The following CNTNAP2 variants were observed in gnomAD, a reference collection of about 807,000 sequenced individuals.
CNTNAP2 encodes the protein contactin-associated protein-like 2.
In CNTNAP2, 98 loss-of-function variants were observed where a neutral mutation model predicts 155.2. The observed-to-expected ratio is 0.63, with a 90% CI of 0.54 to 0.75. The LOEUF (loss-of-function observed/expected upper bound fraction) is 0.75. Ranked by LOEUF, CNTNAP2 falls within the 30% of genes least tolerant of loss-of-function variation. CNTNAP2 has a pLI of 0.00. For missense variants in CNTNAP2, 1,727 were observed against 1,688.1 expected, an observed-to-expected ratio of 1.02 and a Z score of -0.40; for synonymous variants, 651 against 631.2, an observed-to-expected ratio of 1.03 and a Z score of -0.47.
At chr7:147,782,370 C>G (rs1797673028) in intron 13 of CNTNAP2, among the ~76,000 whole-genome samples, 1 of 152,130 alleles carries the variant, frequency 6.6e-6, no homozygotes, top group Admixed American at 6.5e-5. Flanking sequence ...TTGCCTGTGT[C>G]TTAGTCCATT....
At chr7:147,784,496 TA>T (rs1391680623) in intron 13 of CNTNAP2, among the ~76,000 whole-genome samples, 1 of 1,694 alleles carries the variant, frequency 5.9e-4, no homozygotes, top group Non-Finnish European at 1.0e-3. Context: ...TCTGGACTAA[TA>T]TATATATATA....
chr7:148,206,979 T>G (rs1185286185), intron 18 of CNTNAP2, among the ~76,000 whole-genome samples: 1 of 152,200 alleles, frequency 6.6e-6, no homozygotes, highest in Non-Finnish European at 1.5e-5. Context: ...GCTATTTATT[T>G]CTACACACTC....
intron 22 of CNTNAP2, among the ~76,000 whole-genome samples, chr7:148,398,919 A>C (rs1443798727): frequency 6.6e-6 from 1 of 152,174 alleles, no homozygotes; most frequent in Non-Finnish European, 1.5e-5. Flanking sequence ...GACTTACTAT[A>C]ATTGGTTGCT....
At chr7:147,573,444 G>A (rs1800331668) in intron 12 of CNTNAP2, among the ~76,000 whole-genome samples, 1 of 152,106 alleles carries the variant, frequency 6.6e-6, no homozygotes, top group Non-Finnish European at 1.5e-5. Flanking sequence ...GTGCATCCAT[G>A]TTATTCTATC....
At chr7:147,834,417 TG>T (rs1438461681) in intron 13 of CNTNAP2, among the ~76,000 whole-genome samples, 1 of 152,222 alleles carries the variant, frequency 6.6e-6, no homozygotes, top group South Asian at 2.1e-4. Flanking sequence ...TTGGGGTCTA[TG>T]GAGGAAGCCA....
Position 148,130,361 on chromosome 7 carries a change from A to G in CNTNAP2, c.2554+12073A>G, listed in dbSNP as rs1804804031. On this transcript the variant is annotated intron_variant, in intron 16 of 23. Coordinates refer to ENST00000361727, the MANE Select transcript of CNTNAP2 (RefSeq NM_014141.6). ...GCAGCTGGAACATAGATGTGAACAT[A>G]ATGAAATCATACCAAATGTCTCTAC... Among the ~76,000 whole-genome samples the G allele has an allele frequency of 4.6e-5, 7 of 152,200 alleles. No individual in the cohort carries two copies. The South Asian group carries it at 1.4e-3, about 31-fold the overall frequency.
intron 14 of CNTNAP2, among the ~76,000 whole-genome samples, chr7:147,922,386 C>T (rs1800298028): frequency 6.6e-6 from 1 of 152,190 alleles, no homozygotes; most frequent in Non-Finnish European, 1.5e-5. Flanking sequence ...GGAGTCAAGC[C>T]AGGGGCATCT....
intron 1 of CNTNAP2, among the ~76,000 whole-genome samples, chr7:146,629,218 T>C (rs942035677): frequency 1.3e-5 from 2 of 152,166 alleles, no homozygotes; most frequent in Admixed American, 1.3e-4. Context: ...GTCTGTCCCC[T>C]GGCAGTTACC....
intron 15 of CNTNAP2, among the ~76,000 whole-genome samples, chr7:148,051,130 A>AAT (rs1563181295): frequency 1.3e-5 from 2 of 152,184 alleles, no homozygotes; most frequent in East Asian, 3.8e-4. Context: ...CCTATACACT[A>AAT]TAAGTTTGTG....
intron 15 of CNTNAP2, 113 bp from the exon 16 acceptor site, chr7:148,118,005 A>G (rs1563204853): frequency 8.3e-7 from 1 of 1,209,686 alleles, no homozygotes. Flanking sequence ...AGAATGAGAG[A>G]AAATAATGAC....
chr7:146,641,482 G>A (rs1038827116), intron 1 of CNTNAP2, among the ~76,000 whole-genome samples: 4 of 152,122 alleles, frequency 2.6e-5, no homozygotes, highest in African/African-American at 9.7e-5. Context: ...GAAGTAGCTG[G>A]ACAGTTAATT....
intron 1 of CNTNAP2, among the ~76,000 whole-genome samples, chr7:146,175,976 A>C (rs978690915): frequency 2.6e-5 from 4 of 152,226 alleles, no homozygotes; most frequent in Non-Finnish European, 5.9e-5. Context: ...CAGAAAAATG[A>C]AAAGTGACTC....
At chr7:148,206,114 T>TA (rs1476697908) in intron 18 of CNTNAP2, among the ~76,000 whole-genome samples, 16 of 151,196 alleles carry the variant, frequency 1.1e-4, no homozygotes, top group East Asian at 7.7e-4. Flanking sequence ...CATATATATA[T>TA]TTTTTTATAG....
chr7:148,203,317 G>A (rs1219219312), intron 18 of CNTNAP2, among the ~76,000 whole-genome samples: 2 of 152,198 alleles, frequency 1.3e-5, no homozygotes, highest in Non-Finnish European at 1.5e-5. Flanking sequence ...TTGTACTCCA[G>A]AAATAAAAAG....
intron 3 of CNTNAP2, among the ~76,000 whole-genome samples, chr7:146,920,831 T>A (rs1796484234): frequency 6.6e-6 from 1 of 152,174 alleles, no homozygotes; most frequent in Non-Finnish European, 1.5e-5. Flanking sequence ...TAGTTTCCTT[T>A]TTTCTAATTT....
intron 1 of CNTNAP2, among the ~76,000 whole-genome samples, chr7:146,451,054 C>A (rs1796472946): frequency 6.6e-6 from 1 of 152,080 alleles, no homozygotes; most frequent in African/African-American, 2.4e-5. Context: ...TCACGCCATT[C>A]TCCTGCCTCA....
At chr7:148,316,835 A>C (rs1248357468) in intron 21 of CNTNAP2, among the ~76,000 whole-genome samples, 1 of 152,234 alleles carries the variant, frequency 6.6e-6, no homozygotes. Flanking sequence ...TATATTATTA[A>C]AGACTCAGCG....
chr7:146,303,035 T>A (rs1211738207), intron 1 of CNTNAP2, among the ~76,000 whole-genome samples: 1 of 151,704 alleles, frequency 6.6e-6, no homozygotes, highest in East Asian at 1.9e-4. Context: ...GGTATTGAGA[T>A]TCAGAGATGG....
At chr7:148,297,240 A>G (rs934919733) in intron 21 of CNTNAP2, among the ~76,000 whole-genome samples, 1 of 150,136 alleles carries the variant, frequency 6.7e-6, no homozygotes, top group Non-Finnish European at 1.5e-5. Context: ...TCAGCAGAAT[A>G]TGGAAGCTCA....
Sources: allele counts gnomAD v4.1 joint callset (sites outside exome capture counted in the v4.1 genomes callset), GRCh38; gene constraint gnomAD v4.1.1; transcripts MANE v1.5; gene names NCBI Gene and HGNC (gene_info 2026-07-23, HGNC 2026-07-21).